PLXNA2: variants seen among roughly 807,000 people sequenced by gnomAD.
PLXNA2 encodes plexin-A2.
In PLXNA2, 91 loss-of-function variants were observed where a neutral mutation model predicts 193.5. The observed-to-expected ratio is 0.47, with a 90% CI of 0.40 to 0.56. PLXNA2 has a LOEUF of 0.56. PLXNA2 is among the 20% of genes least tolerant of loss of function. PLXNA2 has a pLI of 0.00. For missense variants in PLXNA2, 1,995 were observed against 2,503.2 expected (o/e 0.80, Z 4.33); for synonymous variants, 997 against 1,027.3 (o/e 0.97, Z 0.56).
At chr1:208,138,330 T>C (rs1668361981) in intron 4 of PLXNA2, among the ~76,000 whole-genome samples, 1 of 152,232 alleles carries the variant, frequency 6.6e-6, no homozygotes, top group African/African-American at 2.4e-5. Flanking sequence ...TTTGCCCAAC[T>C]GTAGGTGAAG....
At chr1:208,190,285 TGA>T (rs1670138026) in intron 3 of PLXNA2, among the ~76,000 whole-genome samples, 1 of 152,232 alleles carries the variant, frequency 6.6e-6, no homozygotes, top group South Asian at 2.1e-4. Flanking sequence ...CTTTTGTAGA[TGA>T]GTAGACTTTG....
chr1:208,046,328 A>G (rs1433287453), intron 17 of PLXNA2, among the ~76,000 whole-genome samples: 2 of 151,956 alleles, frequency 1.3e-5, no homozygotes, highest in African/African-American at 4.8e-5. Flanking sequence ...TCATTCACCA[A>G]CGCTATTTGG....
intron 17 of PLXNA2, among the ~76,000 whole-genome samples, chr1:208,049,173 C>T (rs1008789991): frequency 2.0e-5 from 3 of 152,208 alleles, no homozygotes; most frequent in African/African-American, 7.2e-5. Flanking sequence ...GTGCTTCCCC[C>T]TGTGACCCCT....
intron 4 of PLXNA2, among the ~76,000 whole-genome samples, chr1:208,131,149 C>G (rs1668137455): frequency 1.3e-5 from 2 of 152,274 alleles, no homozygotes; most frequent in East Asian, 1.9e-4. Context: ...GGGACCTTGC[C>G]AAGTCCCGGC....
intron 27 of PLXNA2, among the ~76,000 whole-genome samples, chr1:208,033,943 C>T (rs1470703437): frequency 2.0e-5 from 3 of 152,154 alleles, no homozygotes; most frequent in African/African-American, 7.2e-5. Flanking sequence ...TTTCCTGAGC[C>T]CTTTTTGGTG....
intron 4 of PLXNA2, among the ~76,000 whole-genome samples, chr1:208,137,752 C>T (rs1310155152): frequency 1.3e-5 from 2 of 152,180 alleles, no homozygotes; most frequent in Non-Finnish European, 2.9e-5. Flanking sequence ...CCAACACTTA[C>T]TAGTCCTATT....
At chr1:208,083,827 A>C (rs1571897473) in intron 10 of PLXNA2, among the ~76,000 whole-genome samples, 4 of 145,170 alleles carry the variant, frequency 2.8e-5, no homozygotes, top group South Asian at 2.4e-4. Flanking sequence ...CTCCCCTCCC[A>C]CCTCCCCTCC....
chr1:208,220,086 G>A (rs1024528633), intron 1 of PLXNA2, among the ~76,000 whole-genome samples: 1 of 152,222 alleles, frequency 6.6e-6, no homozygotes, highest in African/African-American at 2.4e-5. Context: ...GTTCCAGGTG[G>A]AGAGTGGTTC....
intron 3 of PLXNA2, among the ~76,000 whole-genome samples, chr1:208,148,640 A>G (rs1668667829): frequency 6.6e-6 from 1 of 152,228 alleles, no homozygotes; most frequent in Admixed American, 6.5e-5. Flanking sequence ...GGAGCTGCAG[A>G]TACGTGATAA....
chr1:208,057,918 A>G (rs1236699222), intron 13 of PLXNA2, among the ~76,000 whole-genome samples: 1 of 152,218 alleles, frequency 6.6e-6, no homozygotes, highest in East Asian at 1.9e-4. Context: ...TGTAGAAATC[A>G]TCTATTCCTA....
At chr1:208,071,728 T>C (rs2498031) in intron 12 of PLXNA2, among the ~76,000 whole-genome samples, 144,609 of 152,318 alleles carry the variant, frequency 0.95, 69,100 homozygotes, top group East Asian at 1. Flanking sequence ...CACCATCCCC[T>C]GTTAGCTGTT....
intron 4 of PLXNA2, among the ~76,000 whole-genome samples, chr1:208,131,546 C>T (rs774099824): frequency 6.6e-6 from 1 of 152,108 alleles, no homozygotes; most frequent in Non-Finnish European, 1.5e-5. Flanking sequence ...GGTGTCATTC[C>T]GGGGCCCCCT....
intron 8 of PLXNA2, among the ~76,000 whole-genome samples, chr1:208,095,529 C>T (rs1214174841): frequency 2.6e-5 from 4 of 152,198 alleles, no homozygotes; most frequent in Admixed American, 6.5e-5. Context: ...CTCTGCTCCA[C>T]CTCCCCATCC....
intron 3 of PLXNA2, among the ~76,000 whole-genome samples, chr1:208,186,604 C>T (rs116103746): frequency 0.012 from 1,857 of 152,158 alleles, 36 homozygotes; most frequent in African/African-American, 0.04. Flanking sequence ...GGCTTGGAGG[C>T]AGGAGGCGGT....
intron 3 of PLXNA2, among the ~76,000 whole-genome samples, chr1:208,146,038 G>A (rs1404388132): frequency 3.9e-5 from 6 of 152,174 alleles, no homozygotes; most frequent in African/African-American, 1.4e-4. Flanking sequence ...CAGAGAAGAT[G>A]GAGAGTAGGG....
In PLXNA2 at chr1:208,051,112, G is replaced by C. The variant is rs761633248; in HGVS notation, c.3162-10C>G. On this transcript the variant is annotated splice_polypyrimidine_tract_variant and intron_variant, in intron 16 of 31. Coordinates refer to ENST00000367033, the MANE Select transcript of PLXNA2 (RefSeq NM_025179.4). ...CAGGGGTGTGTGGCCACTGAAAACA[G>C]GCAGAGGCTCGGTTAGGTAAAAAAC... The C allele has an allele frequency of 3.1e-6, 5 of 1,611,652 alleles. No individual in the cohort carries two copies. Among genetic ancestry groups the C allele is most frequent in the Non-Finnish European group, 3.4e-6 (4 of 1,177,768 alleles).
At chr1:208,032,928 G>A (rs911966159) in intron 28 of PLXNA2, among the ~76,000 whole-genome samples, 3 of 152,196 alleles carry the variant, frequency 2.0e-5, no homozygotes, top group Non-Finnish European at 2.9e-5. Flanking sequence ...CAAGAAGTAC[G>A]CAGAAAGCAA....
intron 4 of PLXNA2, among the ~76,000 whole-genome samples, chr1:208,115,524 C>T (rs760651926): frequency 1.3e-5 from 2 of 152,152 alleles, no homozygotes; most frequent in Non-Finnish European, 2.9e-5. Context: ...GGCTACAGAG[C>T]CCATGTTCTC....
intron 3 of PLXNA2, among the ~76,000 whole-genome samples, chr1:208,164,474 G>T (rs2102519642): frequency 6.6e-6 from 1 of 152,244 alleles, no homozygotes; most frequent in South Asian, 2.1e-4. Flanking sequence ...CTTTTTGGTG[G>T]TGTCTTCCAT....
Sources: allele counts gnomAD v4.1 joint callset (sites outside exome capture counted in the v4.1 genomes callset), GRCh38; gene constraint gnomAD v4.1.1; transcripts MANE v1.5; gene names NCBI Gene and HGNC (gene_info 2026-07-23, HGNC 2026-07-21).